HEPH: variants seen among roughly 807,000 people sequenced by gnomAD.
HEPH encodes the protein hephaestin.
A neutral mutation model predicts 80.8 loss-of-function variants in HEPH; 69 were observed. That is an observed-to-expected ratio of 0.85 (90% confidence interval 0.70 to 1.04). The LOEUF is 1.04. HEPH is among the 50% of genes least tolerant of loss of function. The probability of loss-of-function intolerance (pLI) is 0.00; values close to 1 mark genes in which losing one functional copy is unlikely to be tolerated. For synonymous variants in HEPH, 431 were observed against 322.8 expected, an observed-to-expected ratio of 1.34 and a Z score of -3.60; for missense variants, 1,115 against 891.3, an observed-to-expected ratio of 1.25 and a Z score of -3.20.
downstream of HEPH, chrX:66,268,562 G>C (rs900459192): frequency 1.8e-5 from 2 of 111,851 alleles, no homozygotes; most frequent in African/African-American, 6.5e-5. Flanking sequence ...TGAAGACCAA[G>C]TACATGCTAG....
intron 15 of HEPH, among the ~76,000 whole-genome samples, chrX:66,241,870 A>G (rs2090601299): frequency 9.0e-6 from 1 of 111,506 alleles, no homozygotes; most frequent in African/African-American, 3.3e-5. Context: ...CAGAGATGAC[A>G]TAAACAAATG....
intron 15 of HEPH, among the ~76,000 whole-genome samples, chrX:66,248,250 T>C (rs1291763503): frequency 8.9e-6 from 1 of 112,087 alleles, no homozygotes. Flanking sequence ...TCTGATAATA[T>C]TAAATGAAAA....
Position 66,200,603 on chromosome X carries a change from C to T in HEPH, c.1928C>T (p.Ala643Val). 1.7e-6 allele frequency: 2 copies of T among 1,209,909 alleles called. No homozygotes were observed. The highest frequency in any genetic ancestry group is 2.3e-4 in the Middle Eastern group (1 of 4,333). Residue 643 changes from alanine to valine, a missense_variant, in exon 12 of 21, where the codon GCC (alanine) becomes GTC (valine). Around this residue, in one of 3 missense-constraint regions of HEPH, gnomAD observed 716 missense variants for 523.5 expected, o/e 1.37. Transcript: ENST00000343002. ...RLDMCKGDTV[A>V]WHLLGLGTET... The stretch of plus-strand genomic sequence containing the variant: ...GACATGTGCAAGGGTGACACAGTGG[C>T]CTGGCACCTGCTCGGCCTGGGCACA...
intron 15 of HEPH, among the ~76,000 whole-genome samples, chrX:66,237,986 CTTTAT>C (rs1286257230): frequency 9.0e-6 from 1 of 111,613 alleles, no homozygotes; most frequent in Non-Finnish European, 1.9e-5. Context: ...TTTTTCATCC[CTTTAT>C]TTTAAGCCTG....
At chrX:66,187,748 G>A (rs928153767) in intron 4 of HEPH, among the ~76,000 whole-genome samples, 5 of 111,482 alleles carry the variant, frequency 4.5e-5, no homozygotes, top group Non-Finnish European at 9.4e-5. Context: ...CAAAATTCAT[G>A]ATGCAAGCCT....
chrX:66,189,881 G>T lies in HEPH; in HGVS notation c.1006G>T (p.Val336Leu), dbSNP rs1021281404. ...AGCCACCTTTGTGACTGCTGAGATG[G>T]TGCCCTGGGAACCTGGTACCTGGTT... Reference protein sequence around the residue: ...FPATFVTAEMVPWEPGTWLIS... With the variant: ...FPATFVTAEMLPWEPGTWLIS... Residue 336 changes from valine to leucine, a missense_variant, in exon 6 of 21, where the codon GTG becomes TTG. Physicochemically the swap from Val to Leu is conservative, Grantham distance 32 (BLOSUM62 1). Transcript: ENST00000343002. 8.4e-7 allele frequency: 1 copy of T among 1,197,468 alleles called. No individual in the cohort carries two copies. The highest frequency in any genetic ancestry group is 1.8e-5 in the African/African-American group (1 of 56,432).
intron 15 of HEPH, among the ~76,000 whole-genome samples, chrX:66,231,748 T>A (rs2090153932): frequency 9.3e-6 from 1 of 107,615 alleles, no homozygotes; most frequent in Non-Finnish European, 1.9e-5. Context: ...CTTCCTCTTT[T>A]CCTAATTGAA....
chrX:66,226,313 G>A (rs2089888415), intron 15 of HEPH, among the ~76,000 whole-genome samples: 1 of 111,669 alleles, frequency 9.0e-6, no homozygotes, highest in South Asian at 3.7e-4. Context: ...TAAGAGAAAA[G>A]TTTAAACATT....
At chrX:66,203,274 T>C in intron 12 of HEPH, 90 bp from the exon 13 acceptor site, 3 of 734,769 alleles carry the variant, frequency 4.1e-6, no homozygotes, top group South Asian at 5.0e-5. Context: ...CTAACTCTTT[T>C]CTGCAGTATG....
At chrX:66,227,337 G>C (rs774305987) in intron 15 of HEPH, among the ~76,000 whole-genome samples, 12 of 111,208 alleles carry the variant, frequency 1.1e-4, no homozygotes, top group Non-Finnish European at 1.7e-4. Context: ...ACATTATATT[G>C]AATGGGGAAA....
At chrX:66,264,558 C>T (rs1000907601) in intron 20 of HEPH, among the ~76,000 whole-genome samples, 2 of 108,875 alleles carry the variant, frequency 1.8e-5, no homozygotes, top group African/African-American at 6.6e-5. Flanking sequence ...TCATTTGTCT[C>T]TGGACTAGGA....
chrX:66,251,842 A>G (rs1056789361), intron 15 of HEPH, among the ~76,000 whole-genome samples: 4 of 112,250 alleles, frequency 3.6e-5, no homozygotes, highest in African/African-American at 9.7e-5. Flanking sequence ...GATATAAAGA[A>G]TGATAAGTAA....
rs35835670 is a variant in HEPH, at chrX:66,197,877, G to A, written c.1696G>A (p.Gly566Ser). ...PLLVCRAGAL[G>S]ADGKQKGVDK... Reference sequence around the variant, plus strand: ...GCTGGTGTGCAGGGCTGGTGCCTTGGGTGCAGATGGCAAGCAGGTATTGTC... The same window carrying A: ...GCTGGTGTGCAGGGCTGGTGCCTTGAGTGCAGATGGCAAGCAGGTATTGTC... Residue 566 changes from glycine (G) to serine (S), a missense_variant, in exon 10 of 21, where the codon GGT becomes AGT. By Grantham distance (56) the Gly-to-Ser change is moderately conservative. This residue lies in a region of HEPH where 716 missense variants were observed against 523.5 expected (regional missense o/e 1.37). Transcript: ENST00000343002. 6.7e-3 allele frequency: 7,969 copies of A among 1,197,906 alleles called. 30 individuals are homozygous for A. The highest frequency in any genetic ancestry group is 6.7e-3 in the Non-Finnish European group (5,974 of 888,737).
Position 66,193,621 on chromosome X carries a change from G to A in HEPH, c.1352G>A (p.Arg451Lys). Residue 451 changes from arginine (R) to lysine (K), a missense_variant, in exon 8 of 21, where the codon AGG becomes AAG. By Grantham distance (26) the Arg-to-Lys change is conservative (BLOSUM62 2). Around this residue, in one of 3 missense-constraint regions of HEPH, gnomAD observed 391 missense variants for 343.6 expected, o/e 1.14. Transcript: ENST00000343002. The part of the protein sequence containing the change: ...FQEKMHLEED[R>K]HLGILGPVIR... ...GAGAAGATGCATTTGGAGGAAGATA[G>A]GCATCTTGGAATCCTGGGTGAGGAA... The A allele has an allele frequency of 8.4e-7, 1 of 1,186,465 alleles. No individual in the cohort carries two copies.
chrX:66,194,037 G>A (rs1456664712), intron 8 of HEPH, among the ~76,000 whole-genome samples: 1 of 111,638 alleles, frequency 9.0e-6, no homozygotes, highest in Non-Finnish European at 1.9e-5. Flanking sequence ...GCCAGTAGCA[G>A]ATTGGCATGA....
chrX:66,253,179 A>G (rs1252653889), intron 15 of HEPH, among the ~76,000 whole-genome samples: 3 of 112,344 alleles, frequency 2.7e-5, no homozygotes, highest in African/African-American at 9.7e-5. Flanking sequence ...CAATTTGACA[A>G]TCATATATCT....
chrX:66,208,001 G>C, intron 14 of HEPH, 114 bp from the exon 15 acceptor site: 2 of 508,592 alleles, frequency 3.9e-6, no homozygotes, highest in Non-Finnish European at 3.1e-6. Context: ...AGGATGTTTT[G>C]TCAGGGTAAA....
intron 15 of HEPH, among the ~76,000 whole-genome samples, chrX:66,232,004 T>A (rs1337627108): frequency 9.1e-6 from 1 of 110,031 alleles, no homozygotes; most frequent in Non-Finnish European, 1.9e-5. Context: ...TTGAATTTTG[T>A]CAAAGGCTTT....
chrX:66,253,284 A>G (rs1225612072), intron 15 of HEPH, among the ~76,000 whole-genome samples: 1 of 112,129 alleles, frequency 8.9e-6, no homozygotes, highest in Non-Finnish European at 1.9e-5. Context: ...AACCCAATTT[A>G]AAATGGGCAA....
Sources: gnomAD v4.1 joint callset for allele counts (sites outside exome capture counted in the v4.1 genomes callset) on GRCh38, gnomAD v4.1.1 for gene constraint, gnomAD v4.1.1 regional missense constraint, MANE v1.5 for transcripts, NCBI Gene and HGNC (gene_info 2026-07-23, HGNC 2026-07-21) for gene names.